RXRG: variants seen among roughly 807,000 people sequenced by gnomAD.
RXRG encodes retinoic acid receptor RXR-gamma.
In RXRG, 19 loss-of-function variants were observed where a neutral mutation model predicts 49.2. The ratio of observed to expected loss-of-function variants is 0.39; its 90% confidence interval spans 0.27 to 0.57. The LOEUF is 0.57. RXRG is among the 20% of genes least tolerant of loss of function. RXRG has a pLI of 0.64. For missense variants in RXRG, 452 were observed against 592.5 expected (o/e 0.76, Z 2.46); for synonymous variants, 224 against 216.6 (o/e 1.03, Z -0.30).
At chr1:165,417,829 A>G (rs1172879337) in intron 3 of RXRG, among the ~76,000 whole-genome samples, 1 of 152,166 alleles carries the variant, frequency 6.6e-6, no homozygotes, top group African/African-American at 2.4e-5. Context: ...GCAGCCGGGC[A>G]TGGTGGCTCA....
chr1:165,403,653 G>C (rs1657654818), intron 9 of RXRG, among the ~76,000 whole-genome samples: 1 of 152,224 alleles, frequency 6.6e-6, no homozygotes, highest in Non-Finnish European at 1.5e-5. Flanking sequence ...AGAGAATAAG[G>C]AGGCTGAACT....
intron 9 of RXRG, among the ~76,000 whole-genome samples, chr1:165,406,382 G>A (rs1021200357): frequency 3.9e-5 from 6 of 152,246 alleles, no homozygotes; most frequent in Non-Finnish European, 7.3e-5. Flanking sequence ...AGACCAGAAA[G>A]CAATGCAGTC....
intron 2 of RXRG, among the ~76,000 whole-genome samples, chr1:165,423,243 G>A (rs149190247): frequency 0.01 from 1,556 of 152,234 alleles, 25 homozygotes; most frequent in African/African-American, 0.036. Context: ...CCCCAATCCC[G>A]GCTGTCTTGT....
intron 1 of RXRG, 121 bp from the exon 2 acceptor site, chr1:165,429,087 C>T: frequency 1.9e-6 from 2 of 1,067,270 alleles, no homozygotes; most frequent in Non-Finnish European, 2.7e-6. Context: ...CACACCTACA[C>T]ACCTGTAAGC....
chr1:165,432,663 T>C (rs1658706021), intron 1 of RXRG, among the ~76,000 whole-genome samples: 1 of 152,182 alleles, frequency 6.6e-6, no homozygotes, highest in South Asian at 2.1e-4. Flanking sequence ...CCTGATTATA[T>C]CTTATTTCTT....
intron 1 of RXRG, among the ~76,000 whole-genome samples, chr1:165,442,173 A>G (rs2101751215): frequency 6.6e-6 from 1 of 152,328 alleles, no homozygotes; most frequent in East Asian, 1.9e-4. Flanking sequence ...AGGGGAGGTT[A>G]GAGGCCAAAG....
intron 9 of RXRG, 48 bp from the exon 10 acceptor site, chr1:165,401,458 C>T: frequency 6.2e-7 from 1 of 1,606,894 alleles, no homozygotes; most frequent in African/African-American, 1.3e-5. Flanking sequence ...GCAGGCACTG[C>T]ACACCTGCAC....
At position 165,410,851 on chromosome 1, in the gene RXRG, C is replaced by T. The variant is rs940363284; in HGVS notation, c.784-20G>A. ...ATTTGTCTGAAAAAGGAACAAAGTA[C>T]TGTGAGGCACAGGTCCCAGGACTCA... is the stretch of plus-strand genomic sequence containing the variant. On this transcript the variant is annotated intron_variant, in intron 5 of 9. Transcript: ENST00000359842. The T allele has an allele frequency of 1.9e-6, 3 of 1,613,926 alleles. No homozygotes were observed. The African/African-American group carries it at 4.0e-5, about 22-fold the overall frequency.
At chr1:165,429,117 A>C (rs1239862205) in intron 1 of RXRG, 151 bp from the exon 2 acceptor site, 12 of 775,716 alleles carry the variant, frequency 1.5e-5, no homozygotes, top group East Asian at 1.1e-4. Flanking sequence ...TCTCACCTAC[A>C]CTACCCTGGT....
Position 165,408,253 on chromosome 1 carries a change from A to G in RXRG, c.1112T>C (p.Leu371Pro). 1 of 1,614,058 alleles carries G rather than the reference A, an allele frequency of 6.2e-7. No individual in the cohort carries two copies. The highest frequency in any genetic ancestry group is 1.1e-5 in the South Asian group (1 of 91,084). The change falls in exon 8 of 10, where the codon CTG becomes CCG. Residue 371 changes from leucine (L) to proline (P), a missense_variant. Transcript: ENST00000359842. ...MQMDKSELGC[L>P]RAIVLFNPDA... The stretch of plus-strand genomic sequence containing the variant: ...TGGGTTAAAGAGTACAATGGCTCGC[A>G]GGCATCCCAGTTCCGACTTGTCCAT...
chr1:165,431,134 G>C (rs1007026549), intron 1 of RXRG, among the ~76,000 whole-genome samples: 3 of 152,188 alleles, frequency 2.0e-5, no homozygotes, highest in African/African-American at 7.2e-5. Flanking sequence ...GCACTGCCCA[G>C]GTAGTTAGTG....
chr1:165,411,153 A>G (rs761972550), intron 4 of RXRG, 44 bp from the exon 5 acceptor site: 1 of 1,587,232 alleles, frequency 6.3e-7, no homozygotes, highest in Non-Finnish European at 8.6e-7. Context: ...AATGCCCAGG[A>G]CAACAGTGGG....
rs781584758 is a variant in RXRG, at chr1:165,419,999, T to A, written c.313A>T (p.Ser105Cys). ...PPSSQLNVVN[S>C]VSSSEDIKPL... is the part of the protein sequence containing the mutation. ...TTGATGTCCTCTGAACTGCTGACAC[T>A]GTTGACCACATTTAGCTGCAAGAGA... The change falls in exon 3 of 10, where the codon AGT becomes TGT. Residue 105 changes from serine (S) to cysteine (C), a missense_variant. By Grantham distance (112) the Ser-to-Cys change is moderately radical. This residue lies in a region of RXRG where 166 missense variants were observed against 151.7 expected (regional missense o/e 1.09). Transcript: ENST00000359842. 6.2e-7 allele frequency: 1 copy of A among 1,603,090 alleles called. No homozygotes were observed. The highest frequency in any genetic ancestry group is 1.1e-5 in the South Asian group (1 of 89,082).
chr1:165,440,377 C>G (rs1049998729), intron 1 of RXRG, among the ~76,000 whole-genome samples: 1 of 152,100 alleles, frequency 6.6e-6, no homozygotes, highest in African/African-American at 2.4e-5. Flanking sequence ...TATCTCTTAT[C>G]CAAAATGCTT....
chr1:165,437,708 C>T (rs995110227), intron 1 of RXRG, among the ~76,000 whole-genome samples: 3 of 152,180 alleles, frequency 2.0e-5, no homozygotes, highest in African/African-American at 7.2e-5. Flanking sequence ...GCTTCAAACA[C>T]TCATTGACAT....
At chr1:165,416,697 G>A (rs2101718935) in intron 4 of RXRG, among the ~76,000 whole-genome samples, 1 of 152,260 alleles carries the variant, frequency 6.6e-6, no homozygotes, top group Non-Finnish European at 1.5e-5. Context: ...GAGACTTGCT[G>A]CCTGGTTATT....
intron 9 of RXRG, among the ~76,000 whole-genome samples, chr1:165,402,115 A>C (rs182271210): frequency 6.8e-6 from 1 of 147,998 alleles, no homozygotes; most frequent in Non-Finnish European, 1.5e-5. Context: ...ACCGAGTTTC[A>C]CTCTTGTTGC....
In RXRG at chr1:165,430,449, C is replaced by T. The variant is rs977600130; in HGVS notation, c.50-1483G>A. Among the ~76,000 whole-genome samples the T allele has an allele frequency of 5.9e-5, 9 of 152,180 alleles. 1 individual carries two copies. The highest frequency in any genetic ancestry group is 1.9e-4 in the East Asian group (1 of 5,194). The stretch of plus-strand genomic sequence containing the variant: ...ATATAACTGTGAAACTATTCTTAAA[C>T]GTAAATATTCCACTGGAAAAAATGT... On this transcript the variant is annotated intron_variant, in intron 1 of 9. Coordinates refer to ENST00000359842, the MANE Select transcript of RXRG (RefSeq NM_006917.5).
In RXRG at chr1:165,401,429, G is replaced by C; in HGVS notation, c.1245-19C>G. On this transcript the variant is annotated intron_variant, in intron 9 of 9. Transcript: ENST00000359842. ...GGCAAACCTGCAGGGAAGCCAAGAG[G>C]CATCAGGGACAGGGACGGGCAGGCA... 4 of 1,613,202 alleles carry C rather than the reference G, an allele frequency of 2.5e-6. No homozygotes were observed. The highest frequency in any genetic ancestry group is 3.4e-6 in the Non-Finnish European group (4 of 1,179,984).
Sources: gnomAD v4.1 joint callset for allele counts (sites outside exome capture counted in the v4.1 genomes callset) on GRCh38, gnomAD v4.1.1 for gene constraint, gnomAD v4.1.1 regional missense constraint, MANE v1.5 for transcripts, NCBI Gene and HGNC (gene_info 2026-07-23, HGNC 2026-07-21) for gene names.